CES3: variants seen among roughly 807,000 people sequenced by gnomAD.
CES3 encodes the protein carboxylesterase 3 (brain).
In CES3, 49 loss-of-function variants were observed where a neutral mutation model predicts 57.6. The observed-to-expected ratio is 0.85, with a 90% CI of 0.68 to 1.08. The LOEUF is 1.08. Among genes scored for constraint, CES3 ranks in the 50% least tolerant of loss-of-function variants. CES3 has a pLI of 0.00. For synonymous variants in CES3, 266 were observed against 281.6 expected (o/e 0.94, Z 0.55); for missense variants, 645 against 742.0 (o/e 0.87, Z 1.52).
chr16:66,966,878 C>T lies in CES3; in HGVS notation c.1062+13C>T, dbSNP rs1963740551. The T allele has an allele frequency of 6.2e-7, 1 of 1,613,742 alleles. No homozygotes were observed. Among genetic ancestry groups the T allele is most frequent in the African/African-American group, 1.3e-5 (1 of 75,020 alleles). On this transcript the variant is annotated intron_variant, in intron 8 of 12. Transcript: ENST00000303334. ...GCTCATCCCCAGGGTGAGTTGCTCCCACCCCTGTGCCCTTCAAGGCCCTGC... is the reference window on the plus strand; with the variant it reads ...GCTCATCCCCAGGGTGAGTTGCTCCTACCCCTGTGCCCTTCAAGGCCCTGC...
chr16:66,966,720 T>C lies in CES3; in HGVS notation c.922-5T>C, dbSNP rs367815766. 5.6e-6 allele frequency: 9 copies of C among 1,613,950 alleles called. No individual in the cohort carries two copies. In the African/African-American group the frequency reaches 1.2e-4, roughly 22 times the overall value. The stretch of plus-strand genomic sequence containing the variant: ...GGGAGCCTCCTGCATTGCTTTCTCC[T>C]GCAGAAAAATACTATCTATCCTCTC... On this transcript the variant is annotated splice_region_variant and splice_polypyrimidine_tract_variant and intron_variant, in intron 7 of 12. Coordinates refer to ENST00000303334, the MANE Select transcript of CES3 (RefSeq NM_024922.6).
chr16:66,970,144 T>C (rs1342728397), intron 9 of CES3, among the ~76,000 whole-genome samples: 2 of 150,206 alleles, frequency 1.3e-5, no homozygotes, highest in Middle Eastern at 6.8e-3. Context: ...AGTCTTGCTC[T>C]GTCGCCAAGG....
rs564903549 is a variant in CES3, at chr16:66,965,239, G to T, written c.819+512G>T. Among the ~76,000 whole-genome samples the T allele has an allele frequency of 1.1e-4, 17 of 152,352 alleles. No individual in the cohort carries two copies. The East Asian group carries it at 2.9e-3, about 26-fold the overall frequency. ...GGAAGTGAAGGTGCTGGAGAAGTGG[G>T]GGCCATGCCTGGGAATCTGGACTTT... is the stretch of plus-strand genomic sequence containing the variant. On this transcript the variant is annotated intron_variant, in intron 6 of 12. Transcript: ENST00000303334.
In CES3 at chr16:66,963,900, A is replaced by C; in HGVS notation, c.525A>C (p.Thr175=). The C allele has an allele frequency of 6.2e-7, 1 of 1,614,074 alleles. No individual in the cohort carries two copies. Among genetic ancestry groups the C allele is most frequent in the Non-Finnish European group, 8.5e-7 (1 of 1,179,916 alleles). ...LAAYGDVVVV[T]VQYRLGVLGF... ...CCTATGGGGATGTGGTCGTGGTTAC[A>C]GTCCAGTACCGCCTTGGGGTCCTTG... is the stretch of plus-strand genomic sequence containing the variant. Residue 175 remains threonine, a synonymous_variant, in exon 4 of 13, where the codon ACA becomes ACC. Transcript: ENST00000303334. The surrounding 1 kb of genome is among the most constrained non-coding windows in gnomAD (Gnocchi z 4.9).
At position 66,961,346 on chromosome 16, in the gene CES3, C is replaced by A. The variant is rs1216076711; in HGVS notation, c.39C>A (p.Val13=). 2 of 1,613,662 alleles carry A rather than the reference C, an allele frequency of 1.2e-6. No homozygotes were observed. Among genetic ancestry groups the A allele is most frequent in the Non-Finnish European group, 1.7e-6 (2 of 1,179,888 alleles). The change falls in exon 1 of 13, where the codon GTC becomes GTA. Residue 13 remains valine (V), a synonymous_variant. Coordinates refer to ENST00000303334, the MANE Select transcript of CES3 (RefSeq NM_024922.6). ...TGAGAGTGGAGTCCGGGGTCCTGGT[C>A]GGGGTGGTCTGTCTGCTCCTGGCAT... ...RAVRVESGVL[V]GVVCLLLACP...
rs1963865295 is a variant in CES3 at position 66,972,891 on chromosome 16, T to C, written c.1558T>C (p.Phe520Leu). ...NSKALPPWPQFNQAEQYLEIN... is the reference protein window; with the variant it reads ...NSKALPPWPQLNQAEQYLEIN... The stretch of plus-strand genomic sequence containing the variant: ...CAAGGCTCTGCCTCCTTGGCCCCAA[T>C]TCAACCAGGCGGAACAATATCTGGA... The change falls in exon 13 of 13, where the codon TTC becomes CTC. Residue 520 changes from phenylalanine to leucine, a missense_variant. Physicochemically the swap from Phe to Leu is conservative, Grantham distance 22. Coordinates refer to ENST00000303334, the MANE Select transcript of CES3 (RefSeq NM_024922.6). 6.2e-7 allele frequency: 1 copy of C among 1,614,034 alleles called. No homozygotes were observed. The highest frequency in any genetic ancestry group is 2.2e-5 in the East Asian group (1 of 44,892).
chr16:66,967,769 G>C, intron 8 of CES3: 1 of 980,730 alleles, frequency 1.0e-6, no homozygotes, highest in Non-Finnish European at 1.2e-6. Context: ...TTGTGTGTTT[G>C]TTTGTTTTTT....
intron 7 of CES3, 170 bp downstream of exon 7, chr16:66,966,515 C>T: frequency 1.2e-6 from 1 of 816,564 alleles, no homozygotes; most frequent in Non-Finnish European, 1.9e-6. Flanking sequence ...TCTCCATCCC[C>T]ACAGCAGGCC....
At position 66,963,238 on chromosome 16, in the gene CES3, G is replaced by A. The variant is rs1453134756; in HGVS notation, c.142G>A (p.Val48Met). The change falls in exon 2 of 13, where the codon GTG becomes ATG. Residue 48 changes from valine to methionine, a missense_variant. Coordinates refer to ENST00000303334, the MANE Select transcript of CES3 (RefSeq NM_024922.6). This position sits in a 1 kb window ranked among gnomAD's most constrained non-coding sequence, Gnocchi z 4.9. ...TTLGRVRGRQ[V>M]GVKGTDRLVN... ...CCTGGGTCGTGTGCGAGGCCGGCAG[G>A]TGGGCGTGAAGGGCACAGACCGCCT... 3.1e-6 allele frequency: 5 copies of A among 1,614,230 alleles called. No individual in the cohort carries two copies. Among genetic ancestry groups the A allele is most frequent in the Non-Finnish European group, 4.2e-6 (5 of 1,180,040 alleles).
At position 66,973,017 on chromosome 16, in the gene CES3, CAGA is replaced by C. The variant is rs772709390; in HGVS notation, c.1689_1691del (p.Lys563del). On this transcript the variant is annotated inframe_deletion, in exon 13 of 13. Coordinates refer to ENST00000303334, the MANE Select transcript of CES3 (RefSeq NM_024922.6). The stretch of plus-strand genomic sequence containing the variant: ...CAAGATACAACAGTGGCACCAGAAG[CAGA>C]AGAACAGGAAGGCCCAGGAGGACCT... 169 of 1,613,934 alleles carry C rather than the reference CAGA, an allele frequency of 1.0e-4. No individual in the cohort carries two copies. Among genetic ancestry groups the C allele is most frequent in the Non-Finnish European group, 1.3e-4 (159 of 1,180,042 alleles).
Position 66,969,750 on chromosome 16 carries a change from G to T in CES3, c.1134G>T (p.Leu378Phe). ...TGCTGGCCATCTCAACACCCGTCTTGACCAGTCTGGTGAGACAAGAGGCAG... is the reference window on the plus strand; with the variant it reads ...TGCTGGCCATCTCAACACCCGTCTTTACCAGTCTGGTGAGACAAGAGGCAG... ...EDMLAISTPV[L>F]TSLDVPPEMM... Residue 378 changes from leucine to phenylalanine, a missense_variant, in exon 9 of 13, where the codon TTG (leucine) becomes TTT (phenylalanine). By Grantham distance (22) the Leu-to-Phe change is conservative. Transcript: ENST00000303334. 1 of 1,612,146 alleles carries T rather than the reference G, an allele frequency of 6.2e-7. No homozygotes were observed. Among genetic ancestry groups the T allele is most frequent in the Non-Finnish European group, 8.5e-7 (1 of 1,179,190 alleles).
At chr16:66,966,466 G>A in intron 7 of CES3, 121 bp downstream of exon 7, 1 of 1,023,892 alleles carries the variant, frequency 9.8e-7, no homozygotes, top group Non-Finnish European at 1.4e-6. Flanking sequence ...GCTCATGAGG[G>A]GAAGGGGCTG....
rs1041226552 is a variant in CES3, at chr16:66,975,099, C to A, written c.*2050C>A. The A allele has an allele frequency of 7.2e-5, 11 of 152,300 alleles. 1 individual carries two copies. The highest frequency in any genetic ancestry group is 2.7e-4 in the African/African-American group (11 of 41,454). The allele number at this position is 152,300 out of a possible 1,614,324, so 9.4% of individuals were successfully genotyped here. On this transcript the variant is annotated 3_prime_UTR_variant, in exon 13 of 13. Transcript: ENST00000303334. ...AACCCCCCTCGGGTCCCCTCCCACGCCGTGGAAGCTTTGTTCTTTCGCTCT... is the reference window on the plus strand; with the variant it reads ...AACCCCCCTCGGGTCCCCTCCCACGACGTGGAAGCTTTGTTCTTTCGCTCT...
At chr16:66,964,273 A>G (rs1963697650) in intron 4 of CES3, 84 bp from the exon 5 acceptor site, 2 of 1,549,716 alleles carry the variant, frequency 1.3e-6, no homozygotes, top group Non-Finnish European at 8.7e-7. Context: ...AGGGTCTGGC[A>G]TCCTGGTGGC....
intron 12 of CES3, 52 bp from the exon 13 acceptor site, chr16:66,972,802 C>T: frequency 6.2e-7 from 1 of 1,614,062 alleles, no homozygotes; most frequent in Non-Finnish European, 8.5e-7. Flanking sequence ...AGGTCGGCCC[C>T]TCTGGGGGAC....
Position 66,966,408 on chromosome 16 carries a change from T to G in CES3, c.921+63T>G, listed in dbSNP as rs1963732813. ...CACAGAGGGGGTTCTATCCATCCCC[T>G]GCAGGAGCAGAGGGGCAGTCTACCC... On this transcript the variant is annotated intron_variant, in intron 7 of 12. Coordinates refer to ENST00000303334, the MANE Select transcript of CES3 (RefSeq NM_024922.6). 3 of 1,518,550 alleles carry G rather than the reference T, an allele frequency of 2.0e-6. No individual in the cohort carries two copies. The South Asian group carries it at 3.4e-5, about 17-fold the overall frequency. 94.1% of individuals were successfully genotyped at this position (1,518,550 alleles called of 1,614,324 possible).
At chr16:66,966,192 A>T (rs568099725) in intron 6 of CES3, 52 bp from the exon 7 acceptor site, 111 of 1,541,280 alleles carry the variant, frequency 7.2e-5, no homozygotes, top group Non-Finnish European at 9.2e-5. Context: ...GAAGGCTGCA[A>T]GGTGGGGCTG....
intron 6 of CES3, 88 bp from the exon 7 acceptor site, chr16:66,966,156 C>A: frequency 1.7e-6 from 2 of 1,196,136 alleles, no homozygotes; most frequent in Non-Finnish European, 2.4e-6. Context: ...AGCTGTCCTA[C>A]AGATGCACCC....
intron 8 of CES3, chr16:66,967,559 C>T: frequency 2.0e-6 from 2 of 985,472 alleles, no homozygotes; most frequent in African/African-American, 3.5e-5. Context: ...CAAGTCCCTT[C>T]CATTCCTTTC....
Sources: gnomAD v4.1 joint callset for allele counts (sites outside exome capture counted in the v4.1 genomes callset) on GRCh38, gnomAD v4.1.1 for gene constraint, Gnocchi (gnomAD v3.1) non-coding constraint, MANE v1.5 for transcripts, NCBI Gene and HGNC (gene_info 2026-07-23, HGNC 2026-07-21) for gene names.